Variants in LTBR observed in about 807,000 individuals in gnomAD.
The protein encoded by LTBR is tumor necrosis factor receptor superfamily member 3.
In LTBR, 15 loss-of-function variants were observed where a neutral mutation model predicts 45.4. The ratio of observed to expected loss-of-function variants is 0.33; its 90% CI spans 0.22 to 0.51. The LOEUF (loss-of-function observed/expected upper bound fraction) is 0.51, where lower values mean the gene tolerates loss of function less well. Among genes scored for constraint, LTBR ranks in the 20% least tolerant of loss-of-function variants. The pLI, the probability that LTBR is intolerant of heterozygous loss-of-function variation, is 0.97. For synonymous variants in LTBR, 228 were observed against 231.0 expected (o/e 0.99, Z 0.12); for missense variants, 450 against 565.5 (o/e 0.80, Z 2.07).
chr12:6,379,851 T>C (rs1948963617), upstream of LTBR, among the ~76,000 whole-genome samples: 1 of 140,338 alleles, frequency 7.1e-6, no homozygotes, highest in East Asian at 2.1e-4. Flanking sequence ...GAGAATGGCA[T>C]AAAACCGGGG....
rs3203555 is a variant in LTBR at position 6,391,036 on chromosome 12, C to T, written c.*99C>T. ...GATTCACAGGGGCCTGAGTAGGGCC[C>T]GGGGAAGCAGAGCCCTAAGGGATTA... On this transcript the variant is annotated 3_prime_UTR_variant, in exon 10 of 10. Transcript: ENST00000228918. 1.3e-5 allele frequency: 17 copies of T among 1,288,004 alleles called. No homozygotes were observed. Among genetic ancestry groups the T allele is most frequent in the South Asian group, 6.9e-5 (4 of 58,052 alleles). The allele number at this position is 1,288,004 out of a possible 1,614,324, so 79.8% of individuals were successfully genotyped here. A position where few individuals can be genotyped will look rare whatever the true frequency, so the allele number is the denominator to read the frequency against.
chr12:6,381,735 G>A (rs1948987118), upstream of LTBR, among the ~76,000 whole-genome samples: 1 of 152,212 alleles, frequency 6.6e-6, no homozygotes, highest in African/African-American at 2.4e-5. Context: ...AGCACTTTGG[G>A]AGGCCAAGGC....
At chr12:6,379,757 C>T (rs1288984976), upstream of LTBR, among the ~76,000 whole-genome samples, 7 of 137,834 alleles carry the variant, frequency 5.1e-5, no homozygotes, top group South Asian at 4.8e-4. Context: ...GGTGAAACCC[C>T]GTCTCTACTA....
chr12:6,385,862 G>A (rs969770669), intron 4 of LTBR: 6 of 445,508 alleles, frequency 1.3e-5, no homozygotes, highest in African/African-American at 4.7e-5. Flanking sequence ...CCGAGATCGC[G>A]CCACTGCACT....
intron 2 of LTBR, 95 bp downstream of exon 2, chr12:6,384,779 C>T: frequency 8.0e-7 from 1 of 1,254,742 alleles, no homozygotes; most frequent in Non-Finnish European, 1.2e-6. Flanking sequence ...GGCACTGTCC[C>T]CCAGGAAAAC....
intron 1 of LTBR, among the ~76,000 whole-genome samples, chr12:6,378,178 T>C (rs191397097): frequency 1.1e-4 from 17 of 152,292 alleles, no homozygotes; most frequent in Admixed American, 2.6e-4. Flanking sequence ...TATATCTTTT[T>C]GTGTGCCTTT....
At chr12:6,379,459 C>T (rs1948956127), upstream of LTBR, among the ~76,000 whole-genome samples, 1 of 152,202 alleles carries the variant, frequency 6.6e-6, no homozygotes, top group Non-Finnish European at 1.5e-5. Context: ...TTAAATGCAA[C>T]TCTTTATTCT....
chr12:6,388,517 T>A lies in LTBR; in HGVS notation c.775+12T>A. ...CTGCAGGAAACTGGGTAGGAAAGGG[T>A]TGGATGCAGTGGATGGTTGGCAATG... On this transcript the variant is annotated intron_variant, in intron 7 of 9. Coordinates refer to ENST00000228918, the MANE Select transcript of LTBR (RefSeq NM_002342.3). This position sits in a 1 kb window ranked among gnomAD's most constrained non-coding sequence, Gnocchi z 4.3. The A allele has an allele frequency of 4.4e-6, 7 of 1,608,022 alleles. No individual in the cohort carries two copies. The highest frequency in any genetic ancestry group is 6.0e-6 in the Non-Finnish European group (7 of 1,174,536).
chr12:6,375,550 C>CATCT, exon 1 of LTBR: 1 of 1,534,870 alleles, frequency 6.5e-7, no homozygotes, highest in Non-Finnish European at 8.7e-7. Context: ...CGCTGGCCGG[C>CATCT]CAGGGATGGA....
chr12:6,384,746 C>CG, intron 2 of LTBR, 62 bp downstream of exon 2: 3 of 1,492,216 alleles, frequency 2.0e-6, no homozygotes, highest in Non-Finnish European at 2.8e-6. Flanking sequence ...CTCCAGCCCC[C>CG]TCGCGGCCTC....
rs765676349 is a variant in LTBR, at chr12:6,386,066, A to G, written c.473A>G (p.Asp158Gly). ...CPPGTEAELK[D>G]EVGKGNNHCV... is the part of the protein sequence containing the mutation. Reference sequence around the variant, plus strand: ...GGCTGGCCTGCCTTTCTCTTGCCAGATGAAGTTGGGAAGGGTAACAACCAC... The same window carrying G: ...GGCTGGCCTGCCTTTCTCTTGCCAGGTGAAGTTGGGAAGGGTAACAACCAC... The change falls in exon 5 of 10, where the codon GAT becomes GGT. Residue 158 changes from aspartate to glycine, a missense_variant and splice_region_variant. Around this residue, in one of 3 missense-constraint regions of LTBR, gnomAD observed 367 missense variants for 435.4 expected, o/e 0.84. Coordinates refer to ENST00000228918, the MANE Select transcript of LTBR (RefSeq NM_002342.3). This position sits in a 1 kb window ranked among gnomAD's most constrained non-coding sequence, Gnocchi z 4.1. The G allele has an allele frequency of 6.2e-7, 1 of 1,612,210 alleles. No homozygotes were observed. The highest frequency in any genetic ancestry group is 1.1e-5 in the South Asian group (1 of 91,024).
chr12:6,384,751 G>A (rs1379890506), intron 2 of LTBR, 67 bp downstream of exon 2: 21 of 1,433,290 alleles, frequency 1.5e-5, no homozygotes, highest in Non-Finnish European at 2.0e-5. Context: ...GCCCCCTCGC[G>A]GCCTCAGAGG....
intron 8 of LTBR, chr12:6,389,610 C>T (rs7965859): frequency 0.15 from 23,854 of 155,810 alleles, 4,192 homozygotes; most frequent in East Asian, 0.69. Context: ...GAGACCAGCC[C>T]GGCCAACATG....
chr12:6,375,287 T>C (rs1948884348), upstream of LTBR: 1 of 1,437,196 alleles, frequency 7.0e-7, no homozygotes, highest in East Asian at 2.5e-5. Flanking sequence ...CCTGCCTCTC[T>C]TCCTCTCCCC....
At chr12:6,375,794 A>G in intron 1 of LTBR, 1 of 1,381,318 alleles carries the variant, frequency 7.2e-7, no homozygotes, top group Non-Finnish European at 9.3e-7. Flanking sequence ...AAGTAGAAGG[A>G]TCCTGAGCCC....
intron 1 of LTBR, chr12:6,377,166 G>T: frequency 1.7e-6 from 2 of 1,154,716 alleles, no homozygotes; most frequent in Non-Finnish European, 2.5e-6. Flanking sequence ...CTGGTCTGTG[G>T]CTTCCTCTCT....
chr12:6,384,086 T>C, upstream of LTBR: 1 of 1,241,044 alleles, frequency 8.1e-7, no homozygotes, highest in South Asian at 3.5e-5. Context: ...CCTGTTCCTC[T>C]TCCCTGGGCT....
chr12:6,386,020 T>A lies in LTBR; in HGVS notation c.473-46T>A. The A allele has an allele frequency of 1.5e-6, 2 of 1,350,192 alleles. No individual in the cohort carries two copies. Among genetic ancestry groups the A allele is most frequent in the Non-Finnish European group, 2.1e-6 (2 of 945,434 alleles). The allele number at this position is 1,350,192 out of a possible 1,614,324, so 83.6% of individuals were successfully genotyped here. Reference sequence around the variant, plus strand: ...AACTCACAGGCCGGCAAAGGGCCCCTCCCTTTTGCCCATTCACCCTGGCTG... The same window carrying A: ...AACTCACAGGCCGGCAAAGGGCCCCACCCTTTTGCCCATTCACCCTGGCTG... On this transcript the variant is annotated intron_variant, in intron 4 of 9. Coordinates refer to ENST00000228918, the MANE Select transcript of LTBR (RefSeq NM_002342.3). This position sits in a 1 kb window ranked among gnomAD's most constrained non-coding sequence, Gnocchi z 4.1.
chr12:6,384,162 A>G lies in LTBR; in HGVS notation c.-197A>G. On this transcript the variant is annotated 5_prime_UTR_variant, in exon 1 of 10. Coordinates refer to ENST00000228918, the MANE Select transcript of LTBR (RefSeq NM_002342.3). ...CCCCGCCCCGCGGCCAGCTCGCTCCACTCCCACTTCCTGAGCTCCGCCATG... is the reference window on the plus strand; with the variant it reads ...CCCCGCCCCGCGGCCAGCTCGCTCCGCTCCCACTTCCTGAGCTCCGCCATG... The G allele has an allele frequency of 7.8e-7, 1 of 1,284,318 alleles. No homozygotes were observed. Among genetic ancestry groups the G allele is most frequent in the African/African-American group, 1.5e-5 (1 of 64,552 alleles). The allele number at this position is 1,284,318 out of a possible 1,614,324, so 79.6% of individuals were successfully genotyped here.
Sources: allele counts gnomAD v4.1 joint callset (sites outside exome capture counted in the v4.1 genomes callset), GRCh38; gene constraint gnomAD v4.1.1; regional missense constraint gnomAD v4.1.1; non-coding constraint Gnocchi (gnomAD v3.1); transcripts MANE v1.5; gene names NCBI Gene and HGNC (gene_info 2026-07-23, HGNC 2026-07-21).